The following PIK3R3 variants were observed in gnomAD, a reference collection of about 807,000 sequenced individuals.
PIK3R3 encodes phosphatidylinositol 3-kinase regulatory subunit gamma.
A neutral mutation model predicts 62.9 loss-of-function variants in PIK3R3; 64 were observed. The observed-to-expected ratio is 1.02, with a 90% CI of 0.83 to 1.25. PIK3R3 has a LOEUF of 1.25. PIK3R3 is among the 50% of genes most tolerant of loss of function. The pLI, the probability that PIK3R3 is intolerant of heterozygous loss-of-function variation, is 0.00. For synonymous variants in PIK3R3, 165 were observed against 189.0 expected (o/e 0.87, Z 1.04); for missense variants, 614 against 561.6 (o/e 1.09, Z -0.94).
At position 46,043,467 on chromosome 1, in the gene PIK3R3, G is replaced by T; in HGVS notation, c.*206C>A. On this transcript the variant is annotated 3_prime_UTR_variant, in exon 10 of 10. Coordinates refer to ENST00000262741, the MANE Select transcript of PIK3R3 (RefSeq NM_003629.4). Reference sequence around the variant, plus strand: ...CATCTGCTTCCAGCTTAGTATGTCAGTGCAGCGGCATGGCTGAGTCCTAGA... The same window carrying T: ...CATCTGCTTCCAGCTTAGTATGTCATTGCAGCGGCATGGCTGAGTCCTAGA... 1 of 574,496 alleles carries T rather than the reference G, an allele frequency of 1.7e-6. No individual in the cohort carries two copies. 35.6% of individuals were successfully genotyped at this position (574,496 alleles called of 1,614,324 possible). A position where few individuals can be genotyped will look rare whatever the true frequency, so the allele number is the denominator to read the frequency against.
At chr1:46,142,147 G>A in the PIK3R3 span, among the ~76,000 whole-genome samples, 11 of 152,150 alleles carry the variant, frequency 7.2e-5, no homozygotes, top group Admixed American at 3.9e-4. Context: ...GAAGAAGCAT[G>A]TCTTTCCTGG....
At chr1:46,090,265 T>C (rs1008226288) in intron 1 of PIK3R3, among the ~76,000 whole-genome samples, 9 of 152,226 alleles carry the variant, frequency 5.9e-5, no homozygotes, top group Non-Finnish European at 7.4e-5. Flanking sequence ...TGAGAGCTGA[T>C]TGTTGTATTT....
intron 1 of PIK3R3, among the ~76,000 whole-genome samples, chr1:46,083,754 G>A (rs1298214108): frequency 6.6e-6 from 1 of 152,134 alleles, no homozygotes; most frequent in East Asian, 1.9e-4. Context: ...CCACTAGGAT[G>A]ACTATAATAA....
upstream of PIK3R3, chr1:46,132,645 G>C (rs892090343): frequency 4.7e-6 from 6 of 1,289,666 alleles, no homozygotes; most frequent in African/African-American, 7.6e-5. Context: ...CCAGCCACTA[G>C]AGTTTCATTT....
chr1:46,135,556 A>G (rs990830017), upstream of PIK3R3, among the ~76,000 whole-genome samples: 1 of 152,284 alleles, frequency 6.6e-6, no homozygotes, highest in East Asian at 1.9e-4. Flanking sequence ...TTTTTCTGCA[A>G]CTGTTCAAAT....
intron 5 of PIK3R3, among the ~76,000 whole-genome samples, chr1:46,064,826 A>T (rs1034346883): frequency 6.6e-6 from 1 of 152,202 alleles, no homozygotes; most frequent in Non-Finnish European, 1.5e-5. Flanking sequence ...TTTAGAAAAG[A>T]GAAAGTTTTT....
intron 5 of PIK3R3, among the ~76,000 whole-genome samples, chr1:46,065,259 A>G (rs1273507429): frequency 6.6e-6 from 1 of 152,250 alleles, no homozygotes; most frequent in Non-Finnish European, 1.5e-5. Flanking sequence ...ATCCAAGTCT[A>G]GCTAAAAAAC....
At chr1:46,169,360 C>G in the PIK3R3 span, among the ~76,000 whole-genome samples, 1 of 152,152 alleles carries the variant, frequency 6.6e-6, no homozygotes, top group African/African-American at 2.4e-5. Flanking sequence ...AAACACCCAT[C>G]ATAGGCATTG....
At chr1:46,107,146 AG>A (rs1245963167) in intron 1 of PIK3R3, among the ~76,000 whole-genome samples, 1 of 152,096 alleles carries the variant, frequency 6.6e-6, no homozygotes, top group East Asian at 1.9e-4. Context: ...ACTTGAGGTC[AG>A]GAATTCCAGA....
chr1:46,117,847 T>C (rs992920382), intron 1 of PIK3R3, among the ~76,000 whole-genome samples: 2 of 152,194 alleles, frequency 1.3e-5, no homozygotes, highest in African/African-American at 4.8e-5. Flanking sequence ...GGTAAGGGAA[T>C]TGCCTGAGGC....
At chr1:46,138,558 G>A in the PIK3R3 span, among the ~76,000 whole-genome samples, 1 of 152,210 alleles carries the variant, frequency 6.6e-6, no homozygotes, top group Non-Finnish European at 1.5e-5. Context: ...TACTTGGGAG[G>A]CTGAGGCCAG....
chr1:46,106,666 T>C (rs1653237773), intron 1 of PIK3R3, among the ~76,000 whole-genome samples: 1 of 152,238 alleles, frequency 6.6e-6, no homozygotes, highest in Admixed American at 6.5e-5. Flanking sequence ...CTTGGAAAGT[T>C]AGTTGGAACT....
intron 5 of PIK3R3, among the ~76,000 whole-genome samples, chr1:46,063,546 A>G (rs899423092): frequency 3.9e-5 from 6 of 152,222 alleles, no homozygotes; most frequent in African/African-American, 1.4e-4. Context: ...AATAATTTAG[A>G]CTTTATTAAC....
chr1:46,075,537 A>G (rs1359481638), intron 3 of PIK3R3, among the ~76,000 whole-genome samples: 1 of 152,070 alleles, frequency 6.6e-6, no homozygotes, highest in African/African-American at 2.4e-5. Flanking sequence ...TAGGAGGATC[A>G]CTTAGGCCTG....
At chr1:46,167,797 C>T in the PIK3R3 span, among the ~76,000 whole-genome samples, 5 of 152,220 alleles carry the variant, frequency 3.3e-5, no homozygotes, top group African/African-American at 1.2e-4. Context: ...CGCTGTTTCT[C>T]AATCAAGAAA....
intron 3 of PIK3R3, among the ~76,000 whole-genome samples, chr1:46,069,348 C>T (rs558948924): frequency 1.1e-3 from 166 of 152,046 alleles, no homozygotes; most frequent in Non-Finnish European, 1.9e-3. Context: ...AGTGAAACCC[C>T]GTCTCTACTA....
At chr1:46,098,030 TAA>T (rs1337104128) in intron 1 of PIK3R3, among the ~76,000 whole-genome samples, 5 of 151,596 alleles carry the variant, frequency 3.3e-5, no homozygotes, top group Admixed American at 1.3e-4. Context: ...CTAAAGCTAA[TAA>T]AAGAGTTCAA....
chr1:46,080,942 TTTG>T (rs1236776412), intron 1 of PIK3R3, among the ~76,000 whole-genome samples, 192 bp from the exon 2 acceptor site: 1 of 152,088 alleles, frequency 6.6e-6, no homozygotes, highest in African/African-American at 2.4e-5. Context: ...CGTCAAGATA[TTTG>T]TTTTTTTCCT....
intron 1 of PIK3R3, among the ~76,000 whole-genome samples, chr1:46,103,608 A>G (rs1018036610): frequency 7.2e-5 from 11 of 151,736 alleles, no homozygotes; most frequent in African/African-American, 2.7e-4. Flanking sequence ...TTATTTACTT[A>G]TTTACAGACA....
Sources: gnomAD v4.1 joint callset for allele counts (sites outside exome capture counted in the v4.1 genomes callset) on GRCh38, gnomAD v4.1.1 for gene constraint, MANE v1.5 for transcripts, NCBI Gene and HGNC (gene_info 2026-07-23, HGNC 2026-07-21) for gene names.